Variants in LSM14A observed in about 807,000 individuals in gnomAD.
LSM14A encodes protein LSM14 homolog A.
A neutral mutation model predicts 52.4 loss-of-function variants in LSM14A; 14 were observed. The observed-to-expected ratio is 0.27, with a 90% CI of 0.18 to 0.42. The LOEUF is 0.42. LSM14A is among the 10% of genes least tolerant of loss of function. LSM14A has a pLI of 1.00. For missense variants in LSM14A, 417 were observed against 581.8 expected, an observed-to-expected ratio of 0.72 and a Z score of 2.91; for synonymous variants, 185 against 200.3, an observed-to-expected ratio of 0.92 and a Z score of 0.64.
chr19:34,192,632 C>CAAAAAAAAAAAAAAAAAAAA (rs548374017), intron 1 of LSM14A, among the ~76,000 whole-genome samples: 1 of 76,952 alleles, frequency 1.3e-5, no homozygotes, highest in Non-Finnish European at 2.4e-5. Context: ...ATCAGTTCTG[C>CAAAAAAAAAAAAAAAAAAAA]AAAAAAAAAA....
Position 34,221,616 on chromosome 19 carries a change from G to A in LSM14A, c.1246G>A (p.Gly416Ser), listed in dbSNP as rs763299146. 1.1e-5 allele frequency: 17 copies of A among 1,614,144 alleles called. No homozygotes were observed. In the Admixed American group the frequency reaches 2.2e-4, roughly 21 times the overall value. ...RGGYRGRGGLGFRGGRGRGGG... is the reference protein window; with the variant it reads ...RGGYRGRGGLSFRGGRGRGGG... ...GGGATACAGAGGCAGAGGAGGTCTTGGTTTCCGTGGTGGCAGAGGGCGTGG... is the reference window on the plus strand; with the variant it reads ...GGGATACAGAGGCAGAGGAGGTCTTAGTTTCCGTGGTGGCAGAGGGCGTGG... Residue 416 changes from glycine (G) to serine (S), a missense_variant, in exon 9 of 10, where the codon GGT (glycine) becomes AGT (serine). Coordinates refer to ENST00000544216, the MANE Select transcript of LSM14A (RefSeq NM_015578.4).
rs139001564 is a variant in LSM14A, at chr19:34,181,535, G to A, written c.121+8772G>A. ...ATTCTACTTCACCAGTCAGCATTAC[G>A]TGGTACAGTTAGTCTGTTCTCTGTG... On this transcript the variant is annotated intron_variant, in intron 1 of 9. Coordinates refer to ENST00000544216, the MANE Select transcript of LSM14A (RefSeq NM_015578.4). Among the ~76,000 whole-genome samples, 1,146 of 152,244 alleles carry A rather than the reference G, an allele frequency of 7.5e-3. 15 individuals carry two copies. The highest frequency in any genetic ancestry group is 8.7e-3 in the Non-Finnish European group (593 of 68,018).
intron 1 of LSM14A, among the ~76,000 whole-genome samples, chr19:34,178,160 CAAA>C (rs1210486981): frequency 1.9e-5 from 2 of 106,902 alleles, no homozygotes; most frequent in Admixed American, 9.9e-5. Context: ...GACTCTGTCT[CAAA>C]AAAAAAAAAA....
chr19:34,224,934 G>A (rs552364), intron 9 of LSM14A, among the ~76,000 whole-genome samples: 53,115 of 151,960 alleles, frequency 0.35, 9,731 homozygotes, highest in African/African-American at 0.4. Context: ...TTACAGCCTT[G>A]CCCAAGTTTT....
At position 34,206,552 on chromosome 19, in the gene LSM14A, G is replaced by A. The variant is rs568985434; in HGVS notation, c.416-2377G>A. Among the ~76,000 whole-genome samples the A allele has an allele frequency of 9.9e-5, 15 of 151,956 alleles. No homozygotes were observed. In the South Asian group the frequency reaches 3.1e-3, roughly 32 times the overall value. The stretch of plus-strand genomic sequence containing the variant: ...TAGTTGGGCATGGTGGCGCGCGCCT[G>A]TAGTCCCAGCTGCTCGGGAGGCTGA... On this transcript the variant is annotated intron_variant, in intron 3 of 9. Transcript: ENST00000544216.
At chr19:34,189,288 T>C (rs901768708) in intron 1 of LSM14A, among the ~76,000 whole-genome samples, 3 of 152,158 alleles carry the variant, frequency 2.0e-5, no homozygotes, top group African/African-American at 7.2e-5. Flanking sequence ...AGGAAACCAA[T>C]AGTAGTACTT....
chr19:34,209,522 T>C (rs2071977846), intron 4 of LSM14A, among the ~76,000 whole-genome samples: 1 of 152,202 alleles, frequency 6.6e-6, no homozygotes, highest in African/African-American at 2.4e-5. Context: ...AAAATTTAAA[T>C]CCTGAGACTT....
rs181084583 is a variant in LSM14A, at chr19:34,211,793, C to G, written c.538+2742C>G. Reference sequence around the variant, plus strand: ...GACAGAACCAAGACCCTGTCCCCCCCCAAAAAAAAAAGATGTTGGGAAGAC... The same window carrying G: ...GACAGAACCAAGACCCTGTCCCCCCGCAAAAAAAAAAGATGTTGGGAAGAC... On this transcript the variant is annotated intron_variant, in intron 4 of 9. Coordinates refer to ENST00000544216, the MANE Select transcript of LSM14A (RefSeq NM_015578.4). 1.7e-3 allele frequency among the ~76,000 whole-genome samples: 251 copies of G among 150,562 alleles called. 1 individual carries two copies. Among genetic ancestry groups the G allele is most frequent in the Non-Finnish European group, 2.0e-3 (137 of 67,670 alleles).
rs1369491497 is a variant in LSM14A, at chr19:34,221,665, C to A, written c.1295C>A (p.Thr432Asn). ...GGTGGTGGCAGAGGTGGTACCTTCA[C>A]TGCCCCTCGAGGATTTCGCGGTGGA... Reference protein sequence around the residue: ...GRGGGRGGTFTAPRGFRGGFR... With the variant: ...GRGGGRGGTFNAPRGFRGGFR... Residue 432 changes from threonine (T) to asparagine (N), a missense_variant, in exon 9 of 10, where the codon ACT (threonine) becomes AAT (asparagine). Transcript: ENST00000544216. 1.2e-6 allele frequency: 2 copies of A among 1,614,102 alleles called. No individual in the cohort carries two copies. The highest frequency in any genetic ancestry group is 1.7e-5 in the Admixed American group (1 of 60,010).
intron 4 of LSM14A, among the ~76,000 whole-genome samples, chr19:34,214,416 A>G (rs2072420282): frequency 6.6e-6 from 1 of 151,248 alleles, no homozygotes; most frequent in Admixed American, 6.6e-5. Context: ...GGTTCAAGCT[A>G]TCCCATCTCA....
chr19:34,206,768 G>A (rs1248614529), intron 3 of LSM14A, among the ~76,000 whole-genome samples: 2 of 152,136 alleles, frequency 1.3e-5, no homozygotes, highest in Non-Finnish European at 1.5e-5. Flanking sequence ...AACTGTGACT[G>A]GATCGTTACA....
At chr19:34,174,286 A>G (rs2068926636) in intron 1 of LSM14A, among the ~76,000 whole-genome samples, 1 of 152,176 alleles carries the variant, frequency 6.6e-6, no homozygotes, top group African/African-American at 2.4e-5. Flanking sequence ...TGTTGGGACA[A>G]ATCTTATACC....
intron 6 of LSM14A, among the ~76,000 whole-genome samples, chr19:34,218,240 G>A (rs1264895267): frequency 6.6e-6 from 1 of 152,080 alleles, no homozygotes; most frequent in Admixed American, 6.6e-5. Context: ...TCCTGACCTC[G>A]TGATCCGCCC....
rs2073449688 is a variant in LSM14A, at chr19:34,228,470, A to G, written c.*1082A>G. Reference sequence around the variant, plus strand: ...TTCCTATTATGCCTGGAATTTAGTCATGATACCTTGACTCATTCCATCATA... The same window carrying G: ...TTCCTATTATGCCTGGAATTTAGTCGTGATACCTTGACTCATTCCATCATA... On this transcript the variant is annotated 3_prime_UTR_variant, in exon 10 of 10. Transcript: ENST00000544216. The G allele has an allele frequency of 6.6e-6, 1 of 152,622 alleles. No homozygotes were observed. Among genetic ancestry groups the G allele is most frequent in the South Asian group, 2.1e-4 (1 of 4,832 alleles). The allele number at this position is 152,622 out of a possible 1,614,324, so 9.5% of individuals were successfully genotyped here. A position where few individuals can be genotyped will look rare whatever the true frequency, so the allele number is the denominator to read the frequency against.
chr19:34,176,800 T>A (rs1568469339), intron 1 of LSM14A, among the ~76,000 whole-genome samples: 3 of 152,254 alleles, frequency 2.0e-5, no homozygotes, highest in Admixed American at 2.0e-4. Flanking sequence ...TACTTAGAAT[T>A]TGAATTGCAA....
At chr19:34,218,460 C>T (rs543957663) in intron 6 of LSM14A, among the ~76,000 whole-genome samples, 9 of 152,144 alleles carry the variant, frequency 5.9e-5, no homozygotes, top group Non-Finnish European at 1.2e-4. Context: ...TTTTCTCAAA[C>T]CCAGGCAGTT....
rs560004601 is a variant in LSM14A at position 34,197,929 on chromosome 19, A to G, written c.415+1166A>G. Among the ~76,000 whole-genome samples the G allele has an allele frequency of 2.0e-5, 3 of 152,204 alleles. No homozygotes were observed. The South Asian group carries it at 6.2e-4, about 32-fold the overall frequency. Reference sequence around the variant, plus strand: ...ATGACTGGAGGGTCAAGGGCTATTGAGTGCAAAAGCTGGATGTAATCAGAT... The same window carrying G: ...ATGACTGGAGGGTCAAGGGCTATTGGGTGCAAAAGCTGGATGTAATCAGAT... On this transcript the variant is annotated intron_variant, in intron 3 of 9. Coordinates refer to ENST00000544216, the MANE Select transcript of LSM14A (RefSeq NM_015578.4).
chr19:34,206,588 T>C (rs1184569739), intron 3 of LSM14A, among the ~76,000 whole-genome samples: 2 of 151,666 alleles, frequency 1.3e-5, no homozygotes, highest in African/African-American at 4.9e-5. Context: ...GGCAGGAGAA[T>C]CGCTTGAGCC....
At chr19:34,192,780 G>A (rs953399142) in intron 1 of LSM14A, among the ~76,000 whole-genome samples, 1 of 151,406 alleles carries the variant, frequency 6.6e-6, no homozygotes, top group African/African-American at 2.4e-5. Context: ...TTCTAGACCA[G>A]TCTGGCCAAC....
Sources: gnomAD v4.1 joint callset for allele counts (sites outside exome capture counted in the v4.1 genomes callset) on GRCh38, gnomAD v4.1.1 for gene constraint, MANE v1.5 for transcripts, NCBI Gene and HGNC (gene_info 2026-07-23, HGNC 2026-07-21) for gene names.